PTPRT: variants seen among roughly 807,000 people sequenced by gnomAD.
PTPRT encodes protein tyrosine phosphatase receptor type T, also known as receptor-type tyrosine-protein phosphatase T.
A neutral mutation model predicts 176.8 loss-of-function variants in PTPRT; 56 were observed. The ratio of observed to expected loss-of-function variants is 0.32; its 90% CI spans 0.26 to 0.40. The LOEUF (loss-of-function observed/expected upper bound fraction) is 0.40. Ranked by LOEUF, PTPRT falls within the 10% of genes least tolerant of loss-of-function variation. The probability of loss-of-function intolerance (pLI) is 1.00; values close to 1 mark genes in which losing one functional copy is unlikely to be tolerated. For synonymous variants in PTPRT, 783 were observed against 739.0 expected, an observed-to-expected ratio of 1.06 and a Z score of -0.96; for missense variants, 1,540 against 1,908.2, an observed-to-expected ratio of 0.81 and a Z score of 3.60.
intron 1 of PTPRT, chr20:42,968,948 C>T (rs952117303): frequency 2.6e-5 from 4 of 152,148 alleles, no homozygotes; most frequent in African/African-American, 9.7e-5. Flanking sequence ...TGTGAACATT[C>T]GACTGTGTCC....
chr20:42,553,940 T>C (rs1368104239), intron 7 of PTPRT, among the ~76,000 whole-genome samples: 2 of 152,048 alleles, frequency 1.3e-5, no homozygotes, highest in African/African-American at 4.8e-5. Flanking sequence ...TGGTAGCATC[T>C]AAGATGATGT....
At chr20:42,400,568 T>A (rs1231672125) in intron 9 of PTPRT, among the ~76,000 whole-genome samples, 1 of 152,048 alleles carries the variant, frequency 6.6e-6, no homozygotes, top group South Asian at 2.1e-4. Context: ...AGAAGCCACA[T>A]CTTGCTGGAT....
In PTPRT at chr20:42,540,898, G is replaced by A. The variant is rs79045818; in HGVS notation, c.1154-68336C>T. Among the ~76,000 whole-genome samples the A allele has an allele frequency of 7.4e-3, 1,130 of 152,252 alleles. 10 individuals carry two copies. The highest frequency in any genetic ancestry group is 0.026 in the African/African-American group (1,069 of 41,548). ...AGGTGGAAGGGATGCCTGTATGAGT[G>A]ATGGGTGGGGAGTACAGGGAAAGCA... On this transcript the variant is annotated intron_variant, in intron 7 of 30. Transcript: ENST00000373187.
intron 1 of PTPRT, among the ~76,000 whole-genome samples, chr20:43,155,626 T>C (rs1363235432): frequency 6.6e-6 from 1 of 152,204 alleles, no homozygotes; most frequent in East Asian, 1.9e-4. Context: ...ATGGTGACTC[T>C]AGTTAATGAT....
At chr20:42,420,331 T>C (rs1001805303) in intron 9 of PTPRT, among the ~76,000 whole-genome samples, 2 of 152,100 alleles carry the variant, frequency 1.3e-5, no homozygotes, top group Non-Finnish European at 2.9e-5. Flanking sequence ...AATGCTGAAC[T>C]CGTTTTGACT....
intron 2 of PTPRT, among the ~76,000 whole-genome samples, chr20:42,851,722 G>A (rs2078474766): frequency 6.6e-6 from 1 of 152,184 alleles, no homozygotes; most frequent in Non-Finnish European, 1.5e-5. Context: ...ACTCAGTTCT[G>A]CCATGGTGGT....
chr20:42,406,786 A>G (rs1315592554), intron 9 of PTPRT, among the ~76,000 whole-genome samples: 5 of 152,352 alleles, frequency 3.3e-5, no homozygotes, highest in Non-Finnish European at 4.4e-5. Flanking sequence ...AACCATGACT[A>G]AGCAAGGATT....
intron 6 of PTPRT, among the ~76,000 whole-genome samples, chr20:42,754,495 T>A (rs2145397491): frequency 6.6e-6 from 1 of 152,188 alleles, no homozygotes; most frequent in South Asian, 2.1e-4. Flanking sequence ...GCCAGGCTGG[T>A]CTCGAACTCC....
intron 1 of PTPRT, among the ~76,000 whole-genome samples, chr20:43,072,080 A>C (rs1410541402): frequency 6.6e-6 from 1 of 152,226 alleles, no homozygotes; most frequent in African/African-American, 2.4e-5. Context: ...ACAGCCTGGC[A>C]CATGGCACTC....
At chr20:42,964,876 T>C (rs1032513755) in intron 1 of PTPRT, among the ~76,000 whole-genome samples, 13 of 152,336 alleles carry the variant, frequency 8.5e-5, no homozygotes, top group East Asian at 5.8e-4. Context: ...AAGAGGAACA[T>C]ATTTTAAGTT....
chr20:42,972,511 A>C (rs1982706338), intron 1 of PTPRT, among the ~76,000 whole-genome samples: 1 of 151,572 alleles, frequency 6.6e-6, no homozygotes, highest in Admixed American at 6.6e-5. Flanking sequence ...AAAATACAAA[A>C]ATTAGCTGCT....
At chr20:42,398,506 G>A (rs2058873297) in intron 9 of PTPRT, among the ~76,000 whole-genome samples, 1 of 152,146 alleles carries the variant, frequency 6.6e-6, no homozygotes, top group Non-Finnish European at 1.5e-5. Flanking sequence ...AATATTATTT[G>A]AGATGTGAAA....
intron 1 of PTPRT, among the ~76,000 whole-genome samples, chr20:43,062,538 G>T (rs566756536): frequency 1.2e-3 from 185 of 152,302 alleles, no homozygotes; most frequent in African/African-American, 4.3e-3. Flanking sequence ...ATCTTGAACT[G>T]CTAAATGTTC....
chr20:43,142,585 C>A (rs2014049508), intron 1 of PTPRT, among the ~76,000 whole-genome samples: 1 of 149,358 alleles, frequency 6.7e-6, no homozygotes, highest in Non-Finnish European at 1.5e-5. Context: ...AAAAAACCAT[C>A]CCCCATCACA....
intron 7 of PTPRT, among the ~76,000 whole-genome samples, chr20:42,515,854 C>G (rs1016754247): frequency 4.0e-5 from 6 of 150,110 alleles, no homozygotes; most frequent in African/African-American, 1.2e-4. Flanking sequence ...GGAACCAACC[C>G]AAATGTCCAA....
At chr20:42,590,964 G>C (rs540705849) in intron 7 of PTPRT, among the ~76,000 whole-genome samples, 9 of 150,438 alleles carry the variant, frequency 6.0e-5, no homozygotes, top group Middle Eastern at 3.4e-3. Context: ...GTGTGTGTGT[G>C]TGTGTGTGTG....
chr20:42,402,830 G>A (rs1295332935), intron 9 of PTPRT, among the ~76,000 whole-genome samples: 4 of 152,114 alleles, frequency 2.6e-5, no homozygotes, highest in Non-Finnish European at 5.9e-5. Flanking sequence ...GTGTGCATGT[G>A]TATGTGCATG....
intron 1 of PTPRT, among the ~76,000 whole-genome samples, chr20:43,165,308 G>C (rs547120787): frequency 6.6e-6 from 1 of 152,068 alleles, no homozygotes; most frequent in South Asian, 2.1e-4. Flanking sequence ...ACAGGCGCCT[G>C]CCACAATCAT....
intron 7 of PTPRT, among the ~76,000 whole-genome samples, chr20:42,612,313 C>A (rs1475794927): frequency 6.6e-6 from 1 of 152,216 alleles, no homozygotes; most frequent in African/African-American, 2.4e-5. Context: ...CAACTGTCAG[C>A]AAGAACAGTT....
Sources: gnomAD v4.1 joint callset for allele counts (sites outside exome capture counted in the v4.1 genomes callset) on GRCh38, gnomAD v4.1.1 for gene constraint, MANE v1.5 for transcripts, NCBI Gene and HGNC (gene_info 2026-07-23, HGNC 2026-07-21) for gene names.